Variants in TICRR observed in about 807,000 individuals in gnomAD.
The protein encoded by TICRR is TOPBP1 interacting checkpoint and replication regulator.
A neutral mutation model predicts 178.1 loss-of-function variants in TICRR; 132 were observed. That is an observed-to-expected ratio of 0.74 (90% confidence interval 0.64 to 0.86). The LOEUF (loss-of-function observed/expected upper bound fraction) is 0.86. Among genes scored for constraint, TICRR ranks in the 40% least tolerant of loss-of-function variants. The probability of loss-of-function intolerance (pLI) is 0.00; values close to 1 mark genes in which losing one functional copy is unlikely to be tolerated. For synonymous variants in TICRR, 991 were observed against 900.7 expected, an observed-to-expected ratio of 1.10 and a Z score of -1.79; for missense variants, 2,587 against 2,334.3, an observed-to-expected ratio of 1.11 and a Z score of -2.23.
At chr15:89,585,581 C>T in intron 3 of TICRR, 127 bp from the exon 4 acceptor site, 1 of 694,188 alleles carries the variant, frequency 1.4e-6, no homozygotes, top group Non-Finnish European at 2.5e-6. Context: ...ATGATCAAAT[C>T]TATCTTTTTC....
At chr15:89,589,947 AAAC>A (rs1226643103) in intron 4 of TICRR, among the ~76,000 whole-genome samples, 3 of 152,144 alleles carry the variant, frequency 2.0e-5, no homozygotes, top group African/African-American at 4.8e-5. Context: ...TCTCAATTAA[AAAC>A]AACAAAAAAA....
At position 89,595,588 on chromosome 15, in the gene TICRR, C is replaced by T. The variant is rs749019334; in HGVS notation, c.1877C>T (p.Thr626Ile). The T allele has an allele frequency of 6.2e-7, 1 of 1,613,944 alleles. No individual in the cohort carries two copies. Among genetic ancestry groups the T allele is most frequent in the African/African-American group, 1.3e-5 (1 of 75,052 alleles). Residue 626 changes from threonine to isoleucine, a missense_variant, in exon 7 of 22, where the codon ACA becomes ATA. Physicochemically the swap from Thr to Ile is moderately conservative, Grantham distance 89. Coordinates refer to ENST00000268138, the MANE Select transcript of TICRR (RefSeq NM_152259.4). ...GATAAATTGGAAGACAGAGGAAGAA[C>T]ACTAAGAAGTTCTAAACCTAAAGGT... ...TVDKLEDRGR[T>I]LRSSKPKDFK...
rs779308063 is a variant in TICRR at position 89,606,775 on chromosome 15, C to T, written c.2672C>T (p.Ser891Phe). Reference protein sequence around the residue: ...VSKRATKKENSHPAPQQPSQP... With the variant: ...VSKRATKKENFHPAPQQPSQP... ...GATTTTCTCATGTTTCAGGAGAACTCTCACCCTGCTCCTCAGCAGCCTTCC... is the reference window on the plus strand; with the variant it reads ...GATTTTCTCATGTTTCAGGAGAACTTTCACCCTGCTCCTCAGCAGCCTTCC... Residue 891 changes from serine (S) to phenylalanine (F), a missense_variant, in exon 14 of 22, where the codon TCT becomes TTT. Transcript: ENST00000268138. 3.1e-6 allele frequency: 5 copies of T among 1,613,722 alleles called. No homozygotes were observed. The highest frequency in any genetic ancestry group is 4.2e-6 in the Non-Finnish European group (5 of 1,179,758).
Position 89,601,581 on chromosome 15 carries a change from G to C in TICRR, c.2327+13G>C, listed in dbSNP as rs140919721. The C allele has an allele frequency of 2.2e-4, 352 of 1,612,790 alleles. No individual in the cohort carries two copies. The highest frequency in any genetic ancestry group is 2.8e-4 in the Non-Finnish European group (332 of 1,178,832). ...AAATTTTGAGATTGTAAGTTTGATG[G>C]TTACTAACTTAACTTTAAAATTGTT... On this transcript the variant is annotated intron_variant, in intron 11 of 21. Coordinates refer to ENST00000268138, the MANE Select transcript of TICRR (RefSeq NM_152259.4).
chr15:89,597,794 A>T (rs1489453902), intron 7 of TICRR, among the ~76,000 whole-genome samples: 1 of 152,200 alleles, frequency 6.6e-6, no homozygotes, highest in Non-Finnish European at 1.5e-5. Flanking sequence ...TTTGATAGGG[A>T]TCACATAGAA....
chr15:89,578,985 G>A (rs757443864), intron 1 of TICRR, among the ~76,000 whole-genome samples: 1 of 152,198 alleles, frequency 6.6e-6, no homozygotes, highest in African/African-American at 2.4e-5. Flanking sequence ...TGGGGAGCGT[G>A]CAGTCTGGGA....
Position 89,627,047 on chromosome 15 carries a change from A to C in TICRR, c.5694A>C (p.Thr1898=). ...SRRRPISRTY[T]RKKLMGTWLE... ...GGCGCCCCATCAGCAGAACTTATAC[A>C]CGGAAGAAGCTCATGGGAACCTGGC... is the stretch of plus-strand genomic sequence containing the variant. Residue 1898 remains threonine (T), a synonymous_variant, in exon 22 of 22, where the codon ACA becomes ACC. Transcript: ENST00000268138. The C allele has an allele frequency of 6.2e-7, 1 of 1,614,126 alleles. No individual in the cohort carries two copies. Among genetic ancestry groups the C allele is most frequent in the Non-Finnish European group, 8.5e-7 (1 of 1,180,038 alleles).
In TICRR at chr15:89,624,108, C is replaced by G. The variant is rs1347385350; in HGVS notation, c.3798C>G (p.His1266Gln). 5 of 1,613,820 alleles carry G rather than the reference C, an allele frequency of 3.1e-6. No individual in the cohort carries two copies. In the East Asian group the frequency reaches 1.1e-4, roughly 36 times the overall value. The change falls in exon 20 of 22, where the codon CAC (histidine) becomes CAG (glutamine). Residue 1266 changes from histidine (H) to glutamine (Q), a missense_variant. Physicochemically the swap from His to Gln is conservative, Grantham distance 24. Transcript: ENST00000268138. ...TGGGCACGCCTCAGAATCAAACACACCAACAGCCCCATGTCCTCAGAGCTG... is the reference window on the plus strand; with the variant it reads ...TGGGCACGCCTCAGAATCAAACACAGCAACAGCCCCATGTCCTCAGAGCTG... ...AFMGTPQNQT[H>Q]QQPHVLRAAR... is the part of the protein sequence containing the mutation.
chr15:89,597,295 G>C (rs983761994), intron 7 of TICRR, among the ~76,000 whole-genome samples: 3 of 151,990 alleles, frequency 2.0e-5, no homozygotes, highest in Non-Finnish European at 2.9e-5. Context: ...AGGCTGAGGC[G>C]GGCAGATCAC....
Position 89,625,410 on chromosome 15 carries a change from C to CGGG in TICRR, c.5101_5103dup (p.Gly1701dup). On this transcript the variant is annotated inframe_insertion, in exon 20 of 22. Coordinates refer to ENST00000268138, the MANE Select transcript of TICRR (RefSeq NM_152259.4). ...TGGGCTGTGGCGCCGGCTCCTCTTC[C>CGGG]GGGAGGGGCGAGGTCGGTGCAGACC... 1 of 1,613,930 alleles carries CGGG rather than the reference C, an allele frequency of 6.2e-7. No homozygotes were observed. Among genetic ancestry groups the CGGG allele is most frequent in the East Asian group, 2.2e-5 (1 of 44,852 alleles).
At position 89,576,045 on chromosome 15, in the gene TICRR, C is replaced by A. The variant is rs374963310; in HGVS notation, c.459C>A (p.Ala153=). 5.0e-6 allele frequency: 8 copies of A among 1,610,532 alleles called. No homozygotes were observed. Among genetic ancestry groups the A allele is most frequent in the African/African-American group, 1.3e-5 (1 of 74,884 alleles). ...CCGCGCTCGGGGGCTTGGTGAACGCCGTCTTCCTCCTGGCCCCCTGTCCGC... is the reference window on the plus strand; with the variant it reads ...CCGCGCTCGGGGGCTTGGTGAACGCAGTCTTCCTCCTGGCCCCCTGTCCGC... The part of the protein sequence containing the change: ...AEAALGGLVN[A]VFLLAPCPHS... The change falls in exon 1 of 22, where the codon GCC becomes GCA. Residue 153 remains alanine, a synonymous_variant. Transcript: ENST00000268138.
chr15:89,583,555 T>C (rs1962767773), intron 2 of TICRR, among the ~76,000 whole-genome samples: 1 of 152,234 alleles, frequency 6.6e-6, no homozygotes, highest in African/African-American at 2.4e-5. Context: ...GTAGTTTTGT[T>C]TATATAATTT....
intron 4 of TICRR, among the ~76,000 whole-genome samples, chr15:89,589,284 G>A (rs568363115): frequency 1.1e-4 from 16 of 152,286 alleles, no homozygotes; most frequent in East Asian, 7.7e-4. Flanking sequence ...TGGTTTCAAC[G>A]CAGCTAATGG....
At chr15:89,608,410 T>C (rs1179920694) in intron 14 of TICRR, among the ~76,000 whole-genome samples, 10 of 152,232 alleles carry the variant, frequency 6.6e-5, no homozygotes, top group African/African-American at 2.4e-4. Flanking sequence ...AAGTTTTCAC[T>C]GCTGAATTCT....
Position 89,625,697 on chromosome 15 carries a change from A to G in TICRR, c.5387A>G (p.Asp1796Gly). The G allele has an allele frequency of 6.2e-7, 1 of 1,613,642 alleles. No homozygotes were observed. Among genetic ancestry groups the G allele is most frequent in the Non-Finnish European group, 8.5e-7 (1 of 1,180,024 alleles). Residue 1796 changes from aspartate to glycine, a missense_variant, in exon 20 of 22, where the codon GAT becomes GGT. Coordinates refer to ENST00000268138, the MANE Select transcript of TICRR (RefSeq NM_152259.4). ...AAAAGGATCTGTGACCTGAGAGAAGATTCAGAAGTTAGTAAGAGTAAAGAG... is the reference window on the plus strand; with the variant it reads ...AAAAGGATCTGTGACCTGAGAGAAGGTTCAGAAGTTAGTAAGAGTAAAGAG... ...GAKRICDLRE[D>G]SEVSKSKEGS...
chr15:89,593,654 C>T (rs986264959), intron 5 of TICRR, among the ~76,000 whole-genome samples: 1 of 152,190 alleles, frequency 6.6e-6, no homozygotes, highest in African/African-American at 2.4e-5. Context: ...TGCAGCCAGC[C>T]AAGATCGCGC....
rs746112682 is a variant in TICRR, at chr15:89,625,181, C to T, written c.4871C>T (p.Pro1624Leu). The T allele has an allele frequency of 3.1e-6, 5 of 1,613,632 alleles. No homozygotes were observed. In the African/African-American group the frequency reaches 4.0e-5, roughly 13 times the overall value. The change falls in exon 20 of 22, where the codon CCC becomes CTC. Residue 1624 changes from proline (P) to leucine (L), a missense_variant. Pro to Leu is a moderately conservative substitution (Grantham distance 98). Coordinates refer to ENST00000268138, the MANE Select transcript of TICRR (RefSeq NM_152259.4). ...LSKPEPTYVS[P>L]PCPRLSHSTP... The stretch of plus-strand genomic sequence containing the variant: ...AAACCTGAACCCACCTATGTGTCAC[C>T]CCCCTGCCCCCGCCTCTCCCACAGC...
intron 7 of TICRR, 113 bp from the exon 8 acceptor site, chr15:89,599,211 G>T: frequency 2.4e-6 from 1 of 408,970 alleles, no homozygotes. Context: ...ATCCAGACAA[G>T]GCCAAATGTT....
rs768635675 is a variant in TICRR, at chr15:89,624,598, TCTC to T, written c.4292_4294del (p.Pro1431del). On this transcript the variant is annotated inframe_deletion, in exon 20 of 22. Transcript: ENST00000268138. Reference sequence around the variant, plus strand: ...AGATGACCAGAAGGGACTGAGCCTCTCTCCTCAGTCTCCTCCTGAAAGACGGGG... The same window carrying T: ...AGATGACCAGAAGGGACTGAGCCTCTCTCAGTCTCCTCCTGAAAGACGGGG... 3.7e-5 allele frequency: 59 copies of T among 1,613,896 alleles called. No homozygotes were observed. Among genetic ancestry groups the T allele is most frequent in the Admixed American group, 1.7e-4 (10 of 60,026 alleles).
Sources: gnomAD v4.1 joint callset for allele counts (sites outside exome capture counted in the v4.1 genomes callset) on GRCh38, gnomAD v4.1.1 for gene constraint, MANE v1.5 for transcripts, NCBI Gene and HGNC (gene_info 2026-07-23, HGNC 2026-07-21) for gene names.